The following ABCG8 variants were observed in gnomAD, a reference collection of about 807,000 sequenced individuals.
The protein encoded by ABCG8 is ATP binding cassette subfamily G member 8.
A neutral mutation model predicts 71.3 loss-of-function variants in ABCG8; 81 were observed. The observed-to-expected ratio is 1.14, with a 90% CI of 0.95 to 1.37. ABCG8 has a LOEUF of 1.37. Among genes scored for constraint, ABCG8 ranks in the 40% most tolerant of loss-of-function variants. The pLI, the probability that ABCG8 is intolerant of heterozygous loss-of-function variation, is 0.00. For synonymous variants in ABCG8, 451 were observed against 354.7 expected, an observed-to-expected ratio of 1.27 and a Z score of -3.05; for missense variants, 1,119 against 866.2, an observed-to-expected ratio of 1.29 and a Z score of -3.66.
intron 11 of ABCG8, among the ~76,000 whole-genome samples, chr2:43,876,456 A>G (rs1019965232): frequency 6.6e-6 from 1 of 151,180 alleles, no homozygotes; most frequent in Non-Finnish European, 1.5e-5. Context: ...GTGTCGATAT[A>G]AAGGAGATCA....
intron 1 of ABCG8, among the ~76,000 whole-genome samples, chr2:43,840,459 G>T (rs918788947): frequency 2.0e-5 from 3 of 152,158 alleles, no homozygotes; most frequent in East Asian, 3.8e-4. Context: ...AGAAATGCAC[G>T]CAGGCCCTGC....
At chr2:43,856,683 C>T (rs1374209370) in intron 6 of ABCG8, among the ~76,000 whole-genome samples, 2 of 151,838 alleles carry the variant, frequency 1.3e-5, no homozygotes, top group Non-Finnish European at 2.9e-5. Context: ...GGATATAATT[C>T]TCACTTTCTG....
At chr2:43,862,532 C>G (rs1463363301) in intron 6 of ABCG8, among the ~76,000 whole-genome samples, 1 of 151,190 alleles carries the variant, frequency 6.6e-6, no homozygotes, top group Non-Finnish European at 1.5e-5. Context: ...CTCTCACTAA[C>G]TGGATAGAAT....
chr2:43,861,377 G>GAT (rs531708827), intron 6 of ABCG8, among the ~76,000 whole-genome samples: 51 of 150,784 alleles, frequency 3.4e-4, no homozygotes, highest in Admixed American at 9.2e-4. Context: ...TCATTCTCTG[G>GAT]ATAGATCTCT....
Position 43,846,414 on chromosome 2 carries a change from GAAT to G in ABCG8, c.322+108_322+110del, listed in dbSNP as rs1299435739. 2.7e-6 allele frequency: 4 copies of G among 1,500,254 alleles called. No individual in the cohort carries two copies. The African/African-American group carries it at 5.5e-5, about 21-fold the overall frequency. The allele number at this position is 1,500,254 out of a possible 1,614,324, so 92.9% of individuals were successfully genotyped here. A position where few individuals can be genotyped will look rare whatever the true frequency, so the allele number is the denominator to read the frequency against. ...TTATGGAGCTCTTTGCTGACTAGTA[GAAT>G]AATACAGCAGAATGGCTGAGAACAC... On this transcript the variant is annotated intron_variant, in intron 3 of 12. Coordinates refer to ENST00000272286, the MANE Select transcript of ABCG8 (RefSeq NM_022437.3).
At position 43,882,565 on chromosome 2, in the gene ABCG8, T is replaced by C. The variant is rs541079155; in HGVS notation, c.*4652T>C. On this transcript the variant is annotated 3_prime_UTR_variant, in exon 13 of 13. Transcript: ENST00000272286. ...GACAACAGACATCCTTATTTGTGAA[T>C]AGTCTGCACTAGATAATTCAGATTT... 7 of 152,378 alleles carry C rather than the reference T, an allele frequency of 4.6e-5. No individual in the cohort carries two copies. Among genetic ancestry groups the C allele is most frequent in the East Asian group, 3.9e-4 (2 of 5,190 alleles). 9.4% of individuals were successfully genotyped at this position (152,378 alleles called of 1,614,324 possible). A position where few individuals can be genotyped will look rare whatever the true frequency, so the allele number is the denominator to read the frequency against.
chr2:43,860,294 A>T (rs1269109436), intron 6 of ABCG8, among the ~76,000 whole-genome samples: 1 of 150,648 alleles, frequency 6.6e-6, no homozygotes, highest in East Asian at 1.9e-4. Context: ...CACTCTGGAT[A>T]GAACTCTCAC....
chr2:43,851,925 A>T (rs1668931587), intron 4 of ABCG8, 103 bp downstream of exon 4: 2 of 1,331,808 alleles, frequency 1.5e-6, no homozygotes, highest in Admixed American at 3.4e-5. Context: ...CCGCAGGTCG[A>T]GTTTGAACAA....
At chr2:43,876,560 CATGGGAATATGGGGAGACT>C (rs1424863241) in intron 11 of ABCG8, among the ~76,000 whole-genome samples, 2 of 149,614 alleles carry the variant, frequency 1.3e-5, no homozygotes, top group Non-Finnish European at 3.0e-5. Context: ...ATAGGGAGAC[CATGGGAATATGGGGAGACT>C]ATGGGAATAT....
At chr2:43,875,016 C>A in intron 10 of ABCG8, 130 bp from the exon 11 acceptor site, 2 of 1,339,040 alleles carry the variant, frequency 1.5e-6, no homozygotes, top group Non-Finnish European at 2.1e-6. Context: ...TCCCAGCACA[C>A]CCTCCTGCCA....
chr2:43,872,850 A>T (rs1669828671), intron 8 of ABCG8, among the ~76,000 whole-genome samples: 1 of 152,212 alleles, frequency 6.6e-6, no homozygotes, highest in Non-Finnish European at 1.5e-5. Flanking sequence ...TCATTGAGAA[A>T]AATGGAGACA....
rs4132010 is a variant in ABCG8, at chr2:43,862,216, A to C, written c.964+9348A>C. 7.9e-3 allele frequency among the ~76,000 whole-genome samples: 1,183 copies of C among 150,652 alleles called. 19 individuals carry two copies. The highest frequency in any genetic ancestry group is 0.026 in the African/African-American group (1,063 of 41,204). Reference sequence around the variant, plus strand: ...TCTTGATAGAATTCTCACTCTTTGGATAGAACTCTCACTATCTGTCTGGAT... The same window carrying C: ...TCTTGATAGAATTCTCACTCTTTGGCTAGAACTCTCACTATCTGTCTGGAT... On this transcript the variant is annotated intron_variant, in intron 6 of 12. Coordinates refer to ENST00000272286, the MANE Select transcript of ABCG8 (RefSeq NM_022437.3).
At chr2:43,868,202 A>C (rs1385807177) in intron 6 of ABCG8, among the ~76,000 whole-genome samples, 1 of 139,592 alleles carries the variant, frequency 7.2e-6, no homozygotes, top group Non-Finnish European at 1.6e-5. Flanking sequence ...TATCTATCTC[A>C]ATAGAATTCT....
chr2:43,859,328 G>A (rs1422810457), intron 6 of ABCG8, among the ~76,000 whole-genome samples: 1 of 144,192 alleles, frequency 6.9e-6, no homozygotes, highest in Non-Finnish European at 1.5e-5. Flanking sequence ...TAGAATTCTC[G>A]CCATCTGCAT....
At position 43,870,972 on chromosome 2, in the gene ABCG8, C is replaced by G. The variant is rs567623357; in HGVS notation, c.965-1004C>G. On this transcript the variant is annotated intron_variant, in intron 6 of 12. Coordinates refer to ENST00000272286, the MANE Select transcript of ABCG8 (RefSeq NM_022437.3). The stretch of plus-strand genomic sequence containing the variant: ...TTTCACCATCTGGATAGAACTCTCA[C>G]CATCTGAATAAAACTCTCACTGTGT... 2.0e-5 allele frequency among the ~76,000 whole-genome samples: 3 copies of G among 152,152 alleles called. No individual in the cohort carries two copies. In the South Asian group the frequency reaches 6.2e-4, roughly 32 times the overall value.
rs773369936 is a variant in ABCG8, at chr2:43,872,242, A to C, written c.1147A>C (p.Thr383Pro). Reference protein sequence around the residue: ...CVESSVTPLDTNCLPSPTKMP... With the variant: ...CVESSVTPLDPNCLPSPTKMP... ...TCCCAGCAGCGTGACCCCACTAGAC[A>C]CCAACTGCCTCCCGAGTCCTACGAA... Residue 383 changes from threonine to proline, a missense_variant, in exon 8 of 13, where the codon ACC (threonine) becomes CCC (proline). Coordinates refer to ENST00000272286, the MANE Select transcript of ABCG8 (RefSeq NM_022437.3). The C allele has an allele frequency of 3.1e-6, 5 of 1,613,968 alleles. No homozygotes were observed. The South Asian group carries it at 5.5e-5, about 18-fold the overall frequency.
intron 3 of ABCG8, 160 bp downstream of exon 3, chr2:43,846,471 A>T: frequency 9.4e-7 from 1 of 1,061,882 alleles, no homozygotes; most frequent in Non-Finnish European, 1.4e-6. Context: ...ACCTGGGCTC[A>T]AATCCTGGCT....
At chr2:43,839,273 G>A (rs1000805277) in intron 1 of ABCG8, among the ~76,000 whole-genome samples, 157 bp downstream of exon 1, 19 of 152,124 alleles carry the variant, frequency 1.2e-4, no homozygotes, top group African/African-American at 3.4e-4. Context: ...GTCAAAGGGC[G>A]GAGGGGAACA....
intron 4 of ABCG8, 152 bp from the exon 5 acceptor site, chr2:43,852,202 C>T: frequency 1.9e-6 from 2 of 1,078,914 alleles, no homozygotes; most frequent in South Asian, 1.3e-5. Flanking sequence ...TCAGGGGAAC[C>T]AATGTTGCAG....
Sources: gnomAD v4.1 joint callset for allele counts (sites outside exome capture counted in the v4.1 genomes callset) on GRCh38, gnomAD v4.1.1 for gene constraint, MANE v1.5 for transcripts, NCBI Gene and HGNC (gene_info 2026-07-23, HGNC 2026-07-21) for gene names.